Variants in TFAP2E observed in about 807,000 individuals in gnomAD.
TFAP2E encodes transcription factor AP-2-epsilon.
TFAP2E carries 30 observed loss-of-function variants against 37.9 expected under a neutral mutation model. That is an observed-to-expected ratio of 0.79 (90% CI 0.59 to 1.07). The LOEUF (loss-of-function observed/expected upper bound fraction) is 1.07, where lower values mean the gene tolerates loss of function less well. TFAP2E is among the 50% of genes least tolerant of loss of function. The pLI is 0.00. For missense variants in TFAP2E, 567 were observed against 637.9 expected, an observed-to-expected ratio of 0.89 and a Z score of 1.20; for synonymous variants, 318 against 295.8, an observed-to-expected ratio of 1.08 and a Z score of -0.77.
At chr1:35,586,720 C>T (rs1649490248) in intron 3 of TFAP2E, among the ~76,000 whole-genome samples, 1 of 151,900 alleles carries the variant, frequency 6.6e-6, no homozygotes, top group Non-Finnish European at 1.5e-5. Flanking sequence ...GAGAGGGTTG[C>T]AGAGGGTATC....
At chr1:35,585,540 A>T (rs1380521206) in intron 3 of TFAP2E, among the ~76,000 whole-genome samples, 1 of 152,186 alleles carries the variant, frequency 6.6e-6, no homozygotes, top group Non-Finnish European at 1.5e-5. Flanking sequence ...GACTAGTCTG[A>T]ATTGAGATGC....
At chr1:35,582,841 C>A (rs1230749134) in intron 3 of TFAP2E, among the ~76,000 whole-genome samples, 4 of 151,968 alleles carry the variant, frequency 2.6e-5, no homozygotes, top group Admixed American at 2.6e-4. Context: ...TTAATAATAT[C>A]TTTTGAGGTG....
chr1:35,590,159 G>A lies in TFAP2E; in HGVS notation c.904+111G>A. 1.0e-6 allele frequency: 1 copy of A among 995,842 alleles called. No homozygotes were observed. The highest frequency in any genetic ancestry group is 1.6e-6 in the Non-Finnish European group (1 of 637,716). 61.7% of individuals were successfully genotyped at this position (995,842 alleles called of 1,614,324 possible). ...TGTTTAGTGGTGTGTGTGTATCCGTGTAAGTGTTGCAGTATCTGTGTGCGT... is the reference window on the plus strand; with the variant it reads ...TGTTTAGTGGTGTGTGTGTATCCGTATAAGTGTTGCAGTATCTGTGTGCGT... On this transcript the variant is annotated intron_variant, in intron 5 of 6. Transcript: ENST00000373235. This position sits in a 1 kb window ranked among gnomAD's most constrained non-coding sequence, Gnocchi z 6.2.
At chr1:35,576,584 A>T (rs77878983) in intron 3 of TFAP2E, among the ~76,000 whole-genome samples, 1,926 of 152,106 alleles carry the variant, frequency 0.013, 49 homozygotes, top group African/African-American at 0.043. Flanking sequence ...CCTGAGAAAG[A>T]CTAAGACCCT....
At chr1:35,582,258 G>A (rs946744932) in intron 3 of TFAP2E, among the ~76,000 whole-genome samples, 1 of 152,012 alleles carries the variant, frequency 6.6e-6, no homozygotes, top group African/African-American at 2.4e-5. Context: ...ATAATGTTAA[G>A]AACTTTTTCA....
At chr1:35,578,679 A>C (rs1340163376) in intron 3 of TFAP2E, among the ~76,000 whole-genome samples, 2 of 152,050 alleles carry the variant, frequency 1.3e-5, no homozygotes, top group Non-Finnish European at 2.9e-5. Flanking sequence ...GAGAAGGAGG[A>C]GGGAGCTGGG....
rs974390026 is a variant in TFAP2E at position 35,573,649 on chromosome 1, G to A, written c.27+45G>A. ...GGACATATTCGGCCGGGGGATCGGG[G>A]CGCCTGAGTGCTGGACTTTCCAACC... On this transcript the variant is annotated intron_variant, in intron 1 of 6. Coordinates refer to ENST00000373235, the MANE Select transcript of TFAP2E (RefSeq NM_178548.4). The surrounding 1 kb of genome is among the most constrained non-coding windows in gnomAD (Gnocchi z 5.9). 2 of 1,535,374 alleles carry A rather than the reference G, an allele frequency of 1.3e-6. No individual in the cohort carries two copies. Among genetic ancestry groups the A allele is most frequent in the Non-Finnish European group, 1.8e-6 (2 of 1,141,176 alleles).
rs1236106446 is a variant in TFAP2E at position 35,574,339 on chromosome 1, C to T, written c.440C>T (p.Ala147Val). Residue 147 changes from alanine to valine, a missense_variant, in exon 2 of 7, where the codon GCG becomes GTG. Ala to Val is a moderately conservative substitution (Grantham distance 64, BLOSUM62 0). Transcript: ENST00000373235. ...CTCCTGCACGGCCTGGCCGACGGCG[C>T]GCACGGCCTGGCAGACGCACCTCTC... is the stretch of plus-strand genomic sequence containing the variant. ...PRLLHGLADG[A>V]HGLADAPLGL... 1.4e-6 allele frequency: 2 copies of T among 1,445,964 alleles called. No homozygotes were observed. Among genetic ancestry groups the T allele is most frequent in the East Asian group, 3.0e-5 (1 of 33,598 alleles). 89.6% of individuals were successfully genotyped at this position (1,445,964 alleles called of 1,614,324 possible). A position where few individuals can be genotyped will look rare whatever the true frequency, so the allele number is the denominator to read the frequency against.
intron 3 of TFAP2E, among the ~76,000 whole-genome samples, chr1:35,582,491 G>T (rs1374933334): frequency 3.1e-4 from 43 of 139,006 alleles, no homozygotes; most frequent in South Asian, 4.7e-4. Flanking sequence ...TTTTTTTTTT[G>T]CATTTTTAAA....
chr1:35,591,675 A>G (rs1351618143), intron 6 of TFAP2E, among the ~76,000 whole-genome samples: 2 of 152,186 alleles, frequency 1.3e-5, no homozygotes, highest in African/African-American at 2.4e-5. Flanking sequence ...CTAGTATTCT[A>G]TTAAGATTTA....
chr1:35,590,877 A>C lies in TFAP2E; in HGVS notation c.1046+102A>C, dbSNP rs954715338. ...CACTGTGTACATGAGCAGTGGGCAC[A>C]CATGCGTATTTGCGCACCACTGTGT... On this transcript the variant is annotated intron_variant, in intron 6 of 6. Coordinates refer to ENST00000373235, the MANE Select transcript of TFAP2E (RefSeq NM_178548.4). This position sits in a 1 kb window ranked among gnomAD's most constrained non-coding sequence, Gnocchi z 6.2. 1.6e-6 allele frequency: 2 copies of C among 1,257,480 alleles called. No homozygotes were observed. Among genetic ancestry groups the C allele is most frequent in the Admixed American group, 7.4e-5 (2 of 26,902 alleles). The allele number at this position is 1,257,480 out of a possible 1,614,324, so 77.9% of individuals were successfully genotyped here. A position where few individuals can be genotyped will look rare whatever the true frequency, so the allele number is the denominator to read the frequency against.
chr1:35,586,077 T>C (rs1316071785), intron 3 of TFAP2E, among the ~76,000 whole-genome samples: 2 of 151,348 alleles, frequency 1.3e-5, no homozygotes, highest in African/African-American at 4.9e-5. Flanking sequence ...CACTAGGAAA[T>C]GTAAATGTAT....
At chr1:35,587,448 G>A (rs1349156207) in intron 3 of TFAP2E, among the ~76,000 whole-genome samples, 3 of 151,956 alleles carry the variant, frequency 2.0e-5, no homozygotes, top group African/African-American at 4.8e-5. Flanking sequence ...GACCAGCCTG[G>A]CCAATATGGT....
At chr1:35,575,809 G>A (rs1649152461) in intron 3 of TFAP2E, among the ~76,000 whole-genome samples, 1 of 152,140 alleles carries the variant, frequency 6.6e-6, no homozygotes, top group African/African-American at 2.4e-5. Context: ...CCAAGCATGC[G>A]CGGGCCCTCT....
In TFAP2E at chr1:35,581,267, G is replaced by T. The variant is rs374323807; in HGVS notation, c.562+6267G>T. Among the ~76,000 whole-genome samples, 501 of 152,288 alleles carry T rather than the reference G, an allele frequency of 3.3e-3. 2 individuals carry two copies. The highest frequency in any genetic ancestry group is 4.6e-3 in the Non-Finnish European group (314 of 68,032). ...TTTTATTGCTTCATAGTATGCCATT[G>T]TACGGGTGTAACATATTTTGTTTAT... On this transcript the variant is annotated intron_variant, in intron 3 of 6. Transcript: ENST00000373235.
chr1:35,578,907 A>AC (rs1235953494), intron 3 of TFAP2E, among the ~76,000 whole-genome samples: 1 of 150,540 alleles, frequency 6.6e-6, no homozygotes, highest in East Asian at 1.9e-4. Flanking sequence ...AGATGGTGAA[A>AC]CCCCATCTCT....
At chr1:35,575,332 G>A (rs1649139890) in intron 3 of TFAP2E, among the ~76,000 whole-genome samples, 1 of 152,262 alleles carries the variant, frequency 6.6e-6, no homozygotes, top group South Asian at 2.1e-4. Flanking sequence ...CCTAAGAGAT[G>A]GGAATGGAAG....
chr1:35,587,245 G>A (rs1180889735), intron 3 of TFAP2E, among the ~76,000 whole-genome samples: 3 of 152,212 alleles, frequency 2.0e-5, no homozygotes, highest in Non-Finnish European at 4.4e-5. Flanking sequence ...CAAGTGCTTC[G>A]ATATTCTCCC....
Position 35,573,391 on chromosome 1 carries a change from A to G in TFAP2E, c.-187A>G. On this transcript the variant is annotated 5_prime_UTR_variant, in exon 1 of 7. An upstream start codon of the reference 5' UTR is lost. Transcript: ENST00000373235. The surrounding 1 kb of genome is among the most constrained non-coding windows in gnomAD (Gnocchi z 5.9). ...ATCAGTGCCCGTCCGTCCTGCCTCC[A>G]TGGACCCGCCCGGGAACGGCCACCG... The G allele has an allele frequency of 1.4e-6, 1 of 703,696 alleles. No individual in the cohort carries two copies. The highest frequency in any genetic ancestry group is 2.1e-6 in the Non-Finnish European group (1 of 475,166). The allele number at this position is 703,696 out of a possible 1,614,324, so 43.6% of individuals were successfully genotyped here. A position where few individuals can be genotyped will look rare whatever the true frequency, so the allele number is the denominator to read the frequency against.
Sources: allele counts gnomAD v4.1 joint callset (sites outside exome capture counted in the v4.1 genomes callset), GRCh38; gene constraint gnomAD v4.1.1; non-coding constraint Gnocchi (gnomAD v3.1); transcripts MANE v1.5; gene names NCBI Gene and HGNC (gene_info 2026-07-23, HGNC 2026-07-21).